Variants in SAMD3 observed in about 807,000 individuals in gnomAD.
The protein encoded by SAMD3 is sterile alpha motif domain containing 3.
SAMD3 carries 63 observed loss-of-function variants against 58.5 expected under a neutral mutation model. The observed-to-expected ratio is 1.08, with a 90% confidence interval of 0.88 to 1.33. SAMD3 has a LOEUF of 1.33. Ranked by LOEUF, SAMD3 falls within the 40% of genes most tolerant of loss-of-function variation. SAMD3 has a pLI of 0.00. For synonymous variants in SAMD3, 220 were observed against 210.3 expected, an observed-to-expected ratio of 1.05 and a Z score of -0.40; for missense variants, 604 against 608.4, an observed-to-expected ratio of 0.99 and a Z score of 0.08.
At chr6:130,311,746 A>G (rs1450173840) in intron 2 of SAMD3, among the ~76,000 whole-genome samples, 3 of 111,584 alleles carry the variant, frequency 2.7e-5, no homozygotes, top group African/African-American at 5.3e-5. Context: ...GGAGAGGGGA[A>G]AAAAGAGCCA....
At chr6:130,312,987 C>A (rs1583088780) in exon 2 of SAMD3, 1 of 152,322 alleles carries the variant, frequency 6.6e-6, no homozygotes, top group Non-Finnish European at 1.5e-5. Flanking sequence ...CCCTGAGGAT[C>A]ACCAGCTCTC....
rs115910331 is a variant in SAMD3, at chr6:130,308,568, T to C, written c.-188+4410A>G. Among the ~76,000 whole-genome samples, 689 of 152,054 alleles carry C rather than the reference T, an allele frequency of 4.5e-3. 3 individuals carry two copies. The highest frequency in any genetic ancestry group is 0.016 in the African/African-American group (652 of 41,446). On this transcript the variant is annotated intron_variant, in intron 2 of 13. Transcript: ENST00000368134. The stretch of plus-strand genomic sequence containing the variant: ...GTAACACATTGGACCTTGTAAAAGA[T>C]AGATAAAATGAATTTCTGGGCTAGT...
intron 1 of SAMD3, among the ~76,000 whole-genome samples, chr6:130,362,935 T>G (rs148258744): frequency 2.4e-3 from 373 of 152,272 alleles, no homozygotes; most frequent in Non-Finnish European, 4.0e-3. Flanking sequence ...GAAATAAAAA[T>G]GACCTTAAAA....
chr6:130,246,114 T>C lies in SAMD3; in HGVS notation c.-187-23301A>G, dbSNP rs146831298. On this transcript the variant is annotated intron_variant, in intron 2 of 13. Transcript: ENST00000368134. ...AAATAGAGAAAGTTTATTTAAAAGATGTTCAGAAGTTCATAGAACAATTGG... is the reference window on the plus strand; with the variant it reads ...AAATAGAGAAAGTTTATTTAAAAGACGTTCAGAAGTTCATAGAACAATTGG... Among the ~76,000 whole-genome samples the C allele has an allele frequency of 4.4e-3, 677 of 152,298 alleles. 8 individuals are homozygous for C. Among genetic ancestry groups the C allele is most frequent in the Middle Eastern group, 0.01 (3 of 294 alleles).
chr6:130,246,380 A>C (rs1345754432), intron 2 of SAMD3, among the ~76,000 whole-genome samples: 1 of 152,240 alleles, frequency 6.6e-6, no homozygotes, highest in Non-Finnish European at 1.5e-5. Context: ...ACCACACAAA[A>C]GAGGAATTAT....
chr6:130,240,361 G>C (rs1000422213), intron 2 of SAMD3, among the ~76,000 whole-genome samples: 1 of 152,150 alleles, frequency 6.6e-6, no homozygotes, highest in African/African-American at 2.4e-5. Context: ...GAGTCAAAGA[G>C]GGAACACGTG....
At chr6:130,207,159 C>CAAAAAAAAAAAAAAA (rs376844642) in intron 5 of SAMD3, among the ~76,000 whole-genome samples, 2 of 52,686 alleles carry the variant, frequency 3.8e-5, no homozygotes, top group Non-Finnish European at 4.0e-5. Flanking sequence ...CCCATCTCAT[C>CAAAAAAAAAAAAAAA]AAAAAAAAAA....
intron 2 of SAMD3, among the ~76,000 whole-genome samples, chr6:130,267,975 C>T (rs930275817): frequency 6.6e-6 from 1 of 152,150 alleles, no homozygotes; most frequent in Non-Finnish European, 1.5e-5. Context: ...GCTACAAAAG[C>T]ATGGTGGTCC....
chr6:130,330,954 C>T (rs372159294), intron 1 of SAMD3, among the ~76,000 whole-genome samples: 13 of 152,148 alleles, frequency 8.5e-5, no homozygotes, highest in Non-Finnish European at 1.8e-4. Context: ...GAACAGAATA[C>T]GGATGAGTTT....
At chr6:130,298,462 A>G (rs1775642032) in intron 2 of SAMD3, among the ~76,000 whole-genome samples, 1 of 152,224 alleles carries the variant, frequency 6.6e-6, no homozygotes, top group Non-Finnish European at 1.5e-5. Context: ...AGGCAATTAT[A>G]TAATTGAGAC....
At chr6:130,321,685 GCTGT>G (rs1776589574) in intron 1 of SAMD3, among the ~76,000 whole-genome samples, 1 of 141,328 alleles carries the variant, frequency 7.1e-6, no homozygotes, top group African/African-American at 3.0e-5. Flanking sequence ...GTGCTAACTT[GCTGT>G]CTGTCTCTCA....
intron 1 of SAMD3, among the ~76,000 whole-genome samples, chr6:130,322,655 C>T (rs1776626049): frequency 6.6e-6 from 1 of 152,122 alleles, no homozygotes; most frequent in African/African-American, 2.4e-5. Flanking sequence ...CAAACCAAAC[C>T]AAAGCAAATG....
At chr6:130,245,660 C>A (rs954389863) in intron 2 of SAMD3, among the ~76,000 whole-genome samples, 25 of 152,302 alleles carry the variant, frequency 1.6e-4, no homozygotes, top group African/African-American at 4.8e-4. Flanking sequence ...TTCTTCTCAA[C>A]CTTCCTTTGG....
intron 2 of SAMD3, among the ~76,000 whole-genome samples, chr6:130,269,141 A>C (rs555181950): frequency 6.6e-6 from 1 of 152,254 alleles, no homozygotes; most frequent in Middle Eastern, 3.4e-3. Flanking sequence ...TAAGTTGTGA[A>C]GTTTAGGTTG....
chr6:130,143,243 G>C (rs1394765437), downstream of SAMD3: 11 of 152,068 alleles, frequency 7.2e-5, no homozygotes, highest in Non-Finnish European at 1.6e-4. Flanking sequence ...CCTTTCTTTT[G>C]TTTTTGTTTG....
chr6:130,350,158 G>T (rs908475563), intron 1 of SAMD3, among the ~76,000 whole-genome samples: 1 of 152,124 alleles, frequency 6.6e-6, no homozygotes, highest in African/African-American at 2.4e-5. Context: ...TTGAAAACTG[G>T]CACAAGACAG....
chr6:130,278,642 T>G (rs755150942), intron 2 of SAMD3, among the ~76,000 whole-genome samples: 4 of 151,982 alleles, frequency 2.6e-5, no homozygotes, highest in Admixed American at 6.6e-5. Context: ...TCCCTACAAC[T>G]GGCACAGTGG....
At chr6:130,180,739 T>G (rs1382285569) in intron 7 of SAMD3, among the ~76,000 whole-genome samples, 1 of 152,028 alleles carries the variant, frequency 6.6e-6, no homozygotes, top group East Asian at 1.9e-4. Context: ...GTGGACAGAG[T>G]GCTACTCACA....
chr6:130,208,816 G>A (rs1003039653), intron 5 of SAMD3, among the ~76,000 whole-genome samples: 3 of 152,070 alleles, frequency 2.0e-5, no homozygotes, highest in African/African-American at 4.8e-5. Context: ...CCATCCCCCT[G>A]ACCCCTGTCC....
Sources: allele counts gnomAD v4.1 joint callset (sites outside exome capture counted in the v4.1 genomes callset), GRCh38; gene constraint gnomAD v4.1.1; transcripts MANE v1.5; gene names NCBI Gene and HGNC (gene_info 2026-07-23, HGNC 2026-07-21).